The following JRK variants were observed in gnomAD, a reference collection of about 807,000 sequenced individuals.
JRK encodes the protein Jrk helix-turn-helix protein, also known as jerky protein homolog.
For missense variants in JRK, 720 were observed against 509.2 expected (o/e 1.41, Z -3.98); for synonymous variants, 303 against 218.1 (o/e 1.39, Z -3.43).
chr8:142,650,071 A>G, the JRK span, among the ~76,000 whole-genome samples: 4 of 152,268 alleles, frequency 2.6e-5, no homozygotes, highest in Non-Finnish European at 5.9e-5. Flanking sequence ...ACATGGAGTC[A>G]AAGGAGATCA....
chr8:142,650,771 CA>C, the JRK span, among the ~76,000 whole-genome samples: 1 of 152,174 alleles, frequency 6.6e-6, no homozygotes, highest in Non-Finnish European at 1.5e-5. Context: ...TGGACTAATA[CA>C]AACACATTTC....
At chr8:142,655,613 T>C (rs1481344716), downstream of JRK, among the ~76,000 whole-genome samples, 1 of 151,712 alleles carries the variant, frequency 6.6e-6, no homozygotes, top group Non-Finnish European at 1.5e-5. Context: ...GACTCCAAAC[T>C]GTGTCCCTGA....
At chr8:142,651,158 C>T in the JRK span, among the ~76,000 whole-genome samples, 2 of 151,964 alleles carry the variant, frequency 1.3e-5, no homozygotes. Context: ...AGACAAGGTT[C>T]TAAGAGAGGA....
chr8:142,669,691 G>A (rs1409697239), intron 1 of JRK, among the ~76,000 whole-genome samples: 1 of 151,510 alleles, frequency 6.6e-6, no homozygotes, highest in South Asian at 2.1e-4. Flanking sequence ...CTCAGGCCGC[G>A]GGGGTCGCGC....
chr8:142,649,418 G>A, the JRK span, among the ~76,000 whole-genome samples: 1,218 of 152,264 alleles, frequency 8.0e-3, 20 homozygotes, highest in African/African-American at 0.028. Context: ...CTGAGAGTAA[G>A]TAAGTCTCAC....
At chr8:142,645,765 A>C in the JRK span, among the ~76,000 whole-genome samples, 1 of 152,164 alleles carries the variant, frequency 6.6e-6, no homozygotes, top group South Asian at 2.1e-4. Context: ...GGTTGACCTG[A>C]ATATCCCTCT....
chr8:142,669,581 G>A (rs1272540539), intron 1 of JRK, among the ~76,000 whole-genome samples: 3 of 152,148 alleles, frequency 2.0e-5, no homozygotes, highest in Admixed American at 6.5e-5. Flanking sequence ...CGGACCTCGT[G>A]ACCAAGCCTC....
the JRK span, among the ~76,000 whole-genome samples, chr8:142,646,970 T>C: frequency 6.6e-6 from 1 of 152,196 alleles, no homozygotes; most frequent in Admixed American, 6.5e-5. Context: ...AGTCTGCATA[T>C]TGAAGGAAAT....
chr8:142,644,335 CATA>C, the JRK span, among the ~76,000 whole-genome samples: 1 of 152,012 alleles, frequency 6.6e-6, no homozygotes, highest in Non-Finnish European at 1.5e-5. Context: ...GATAATTTAA[CATA>C]ATAATTATAA....
In JRK at chr8:142,661,429, C is replaced by T; in HGVS notation, c.*2923G>A. 1 of 985,522 alleles carries T rather than the reference C, an allele frequency of 1.0e-6. No individual in the cohort carries two copies. Among genetic ancestry groups the T allele is most frequent in the East Asian group, 1.1e-4 (1 of 8,814 alleles). The allele number at this position is 985,522 out of a possible 1,614,324, so 61.0% of individuals were successfully genotyped here. ...ACAGGAGCGCCCTCAGGCCTGAGCA[C>T]TCAGGGGTGCCACCCCAAAGATGAA... On this transcript the variant is annotated 3_prime_UTR_variant, in exon 2 of 2. Transcript: ENST00000612905.
the JRK span, among the ~76,000 whole-genome samples, chr8:142,645,624 G>A: frequency 2.0e-5 from 3 of 151,972 alleles, no homozygotes; most frequent in African/African-American, 7.2e-5. Flanking sequence ...AGCTTGCAGT[G>A]AGCCAAGATC....
chr8:142,643,823 C>T, the JRK span, among the ~76,000 whole-genome samples: 1 of 152,160 alleles, frequency 6.6e-6, no homozygotes, highest in Non-Finnish European at 1.5e-5. Context: ...TCTTATTGTA[C>T]TTATGTAAAT....
At chr8:142,668,520 T>C (rs1847202378) in intron 1 of JRK, among the ~76,000 whole-genome samples, 1 of 151,884 alleles carries the variant, frequency 6.6e-6, no homozygotes, top group Non-Finnish European at 1.5e-5. Context: ...ACCCTCCAGA[T>C]TTTTAATATG....
Position 142,659,319 on chromosome 8 carries a change from T to C in JRK, c.*5033A>G. The C allele has an allele frequency of 9.9e-7, 1 of 1,007,464 alleles. No individual in the cohort carries two copies. The highest frequency in any genetic ancestry group is 1.2e-6 in the Non-Finnish European group (1 of 843,576). The allele number at this position is 1,007,464 out of a possible 1,614,324, so 62.4% of individuals were successfully genotyped here. Reference sequence around the variant, plus strand: ...CGCCTGACCCCAGAGCAGACCATGCTGACACTGGGCAACACATTCCCTGCT... The same window carrying C: ...CGCCTGACCCCAGAGCAGACCATGCCGACACTGGGCAACACATTCCCTGCT... On this transcript the variant is annotated 3_prime_UTR_variant, in exon 2 of 2. Coordinates refer to ENST00000612905, the MANE Select transcript of JRK (RefSeq NM_003724.4).
the JRK span, among the ~76,000 whole-genome samples, chr8:142,645,407 C>T: frequency 6.6e-6 from 1 of 152,152 alleles, no homozygotes; most frequent in Admixed American, 6.5e-5. Context: ...AGGCTGGGCA[C>T]GATGGCTCAT....
In JRK at chr8:142,663,375, C is replaced by G. The variant is rs181703208; in HGVS notation, c.*977G>C. On this transcript the variant is annotated 3_prime_UTR_variant, in exon 2 of 2. Coordinates refer to ENST00000612905, the MANE Select transcript of JRK (RefSeq NM_003724.4). ...AGACAACTCCTCCCCAAAAGTATTA[C>G]TAACGTGCTAACAGCTGGGGATAAG... The G allele has an allele frequency of 7.1e-6, 7 of 985,456 alleles. No individual in the cohort carries two copies. The Admixed American group carries it at 3.7e-4, about 52-fold the overall frequency. The allele number at this position is 985,456 out of a possible 1,614,324, so 61.0% of individuals were successfully genotyped here. A position where few individuals can be genotyped will look rare whatever the true frequency, so the allele number is the denominator to read the frequency against.
intron 1 of JRK, among the ~76,000 whole-genome samples, chr8:142,669,174 GTGTGTGTGT>G (rs1305924830): frequency 3.7e-5 from 4 of 109,286 alleles, no homozygotes; most frequent in Non-Finnish European, 5.8e-5. Context: ...GTGTGTGTGT[GTGTGTGTGT>G]GTGTGTGTGT....
chr8:142,650,782 C>G, the JRK span, among the ~76,000 whole-genome samples: 1 of 152,274 alleles, frequency 6.6e-6, no homozygotes, highest in African/African-American at 2.4e-5. Context: ...AAACACATTT[C>G]TAAGTGTCTA....
At chr8:142,644,204 A>T in the JRK span, among the ~76,000 whole-genome samples, 2 of 152,182 alleles carry the variant, frequency 1.3e-5, no homozygotes, top group Non-Finnish European at 2.9e-5. Flanking sequence ...GCTTTTTTAC[A>T]AAATCACCTT....
Sources: gnomAD v4.1 joint callset for allele counts (sites outside exome capture counted in the v4.1 genomes callset) on GRCh38, gnomAD v4.1.1 for gene constraint, MANE v1.5 for transcripts, NCBI Gene and HGNC (gene_info 2026-07-23, HGNC 2026-07-21) for gene names.